The following CFTR variants were observed in gnomAD, a reference collection of about 807,000 sequenced individuals.
CFTR encodes the protein cystic fibrosis transmembrane conductance regulator.
Under a neutral mutation model 171.6 loss-of-function variants are expected in CFTR, and 181 were observed. That is an observed-to-expected ratio of 1.05 (90% CI 0.93 to 1.19). The LOEUF (loss-of-function observed/expected upper bound fraction) is 1.19, where lower values mean the gene tolerates loss of function less well. Among genes scored for constraint, CFTR ranks in the 50% most tolerant of loss-of-function variants. The pLI is 0.00. For synonymous variants in CFTR, 583 were observed against 608.0 expected (o/e 0.96, Z 0.60); for missense variants, 1,968 against 1,734.7 (o/e 1.13, Z -2.39).
chr7:117,483,217 C>T (rs1211364431), intron 1 of CFTR, among the ~76,000 whole-genome samples: 1 of 152,132 alleles, frequency 6.6e-6, no homozygotes, highest in African/African-American at 2.4e-5. Context: ...AAACCACACT[C>T]CTATTCTAAA....
intron 13 of CFTR, among the ~76,000 whole-genome samples, chr7:117,591,514 A>G (rs115986402): frequency 1.2e-3 from 184 of 152,238 alleles, no homozygotes; most frequent in African/African-American, 3.9e-3. Flanking sequence ...AAATGTAAAA[A>G]AGAAATTAAT....
intron 10 of CFTR, among the ~76,000 whole-genome samples, chr7:117,554,098 G>A (rs1799313646): frequency 6.6e-6 from 1 of 152,110 alleles, no homozygotes; most frequent in African/African-American, 2.4e-5. Flanking sequence ...GAGATTAGAG[G>A]CCACTGGAGA....
intron 18 of CFTR, among the ~76,000 whole-genome samples, chr7:117,607,875 G>T (rs760452458): frequency 7.2e-5 from 11 of 152,172 alleles, no homozygotes; most frequent in Non-Finnish European, 1.6e-4. Context: ...AGAAGCAGCT[G>T]ATGGAATATT....
chr7:117,640,640 G>T (rs984431413), intron 22 of CFTR, among the ~76,000 whole-genome samples: 1 of 152,074 alleles, frequency 6.6e-6, no homozygotes, highest in Admixed American at 6.6e-5. Context: ...TATTCAAGTT[G>T]CTTATACAAC....
intron 18 of CFTR, among the ~76,000 whole-genome samples, chr7:117,607,266 G>A (rs1489203072): frequency 6.6e-6 from 1 of 152,136 alleles, no homozygotes; most frequent in Admixed American, 6.5e-5. Context: ...ACAAAAGAGA[G>A]GGGAAAGAAA....
At chr7:117,580,258 A>T (rs1437286555) in intron 11 of CFTR, among the ~76,000 whole-genome samples, 1 of 152,142 alleles carries the variant, frequency 6.6e-6, no homozygotes, top group African/African-American at 2.4e-5. Context: ...TTCAATAAAA[A>T]TAGGCATTTC....
intron 1 of CFTR, among the ~76,000 whole-genome samples, chr7:117,492,447 T>A (rs555225493): frequency 1.3e-3 from 204 of 152,112 alleles, no homozygotes; most frequent in Non-Finnish European, 2.3e-3. Context: ...AAACATATCA[T>A]GTTTGTGTAA....
intron 18 of CFTR, 58 bp from the exon 19 acceptor site, chr7:117,610,461 T>C: frequency 1.4e-6 from 2 of 1,467,088 alleles, no homozygotes; most frequent in East Asian, 4.5e-5. Flanking sequence ...TGACACACTT[T>C]GTCCACTTTG....
At chr7:117,615,551 C>T (rs1019382494) in intron 21 of CFTR, among the ~76,000 whole-genome samples, 1 of 151,386 alleles carries the variant, frequency 6.6e-6, no homozygotes, top group African/African-American at 2.4e-5. Flanking sequence ...TTTATCATTG[C>T]CTTCTGTCTT....
At chr7:117,601,896 G>C (rs1792231872) in intron 15 of CFTR, among the ~76,000 whole-genome samples, 1 of 152,146 alleles carries the variant, frequency 6.6e-6, no homozygotes, top group South Asian at 2.1e-4. Context: ...TTTATATATG[G>C]TGCAGAACAT....
At chr7:117,658,663 T>C (rs1194658590) in intron 24 of CFTR, among the ~76,000 whole-genome samples, 1 of 152,136 alleles carries the variant, frequency 6.6e-6, no homozygotes, top group Admixed American at 6.6e-5. Context: ...TCCTCCAGTT[T>C]CCCAAGGCCA....
chr7:117,612,914 C>T (rs1792428839), intron 20 of CFTR, among the ~76,000 whole-genome samples: 1 of 152,108 alleles, frequency 6.6e-6, no homozygotes, highest in South Asian at 2.1e-4. Context: ...ATTCTGGCCT[C>T]CTGAATTTAC....
chr7:117,632,218 C>G (rs1792757812), intron 22 of CFTR, among the ~76,000 whole-genome samples: 1 of 152,078 alleles, frequency 6.6e-6, no homozygotes, highest in South Asian at 2.1e-4. Context: ...AGCACAACTT[C>G]CCGACCATGC....
rs1256452363 is a variant in CFTR, at chr7:117,536,631, G to T, written c.827G>T (p.Cys276Phe). Reference sequence around the variant, plus strand: ...AATATCCAATCTGTTAAGGCATACTGCTGGGAAGAAGCAATGGAAAAAATG... The same window carrying T: ...AATATCCAATCTGTTAAGGCATACTTCTGGGAAGAAGCAATGGAAAAAATG... ...IENIQSVKAY[C>F]WEEAMEKMIE... The change falls in exon 7 of 27, where the codon TGC becomes TTC. Residue 276 changes from cysteine to phenylalanine, a missense_variant. By Grantham distance (205) the Cys-to-Phe change is radical. Transcript: ENST00000003084. The T allele has an allele frequency of 1.2e-6, 2 of 1,611,816 alleles. No individual in the cohort carries two copies. The highest frequency in any genetic ancestry group is 1.7e-6 in the Non-Finnish European group (2 of 1,179,096).
intron 3 of CFTR, among the ~76,000 whole-genome samples, chr7:117,519,486 G>A (rs1798651736): frequency 6.6e-6 from 1 of 151,758 alleles, no homozygotes; most frequent in African/African-American, 2.4e-5. Context: ...AGGTGTATTT[G>A]CTTTCTTCCA....
chr7:117,591,494 G>A (rs760147049), intron 13 of CFTR, among the ~76,000 whole-genome samples: 7 of 151,742 alleles, frequency 4.6e-5, no homozygotes, highest in Non-Finnish European at 7.4e-5. Context: ...ATAAATTGAT[G>A]GTCAACCTAA....
intron 10 of CFTR, among the ~76,000 whole-genome samples, chr7:117,558,054 C>T (rs1185735787): frequency 6.6e-6 from 1 of 151,966 alleles, no homozygotes; most frequent in South Asian, 2.1e-4. Context: ...CAACTATCAC[C>T]TCCTTTTGAT....
chr7:117,502,297 G>A (rs745471125), intron 1 of CFTR, among the ~76,000 whole-genome samples: 3 of 152,204 alleles, frequency 2.0e-5, no homozygotes, highest in Non-Finnish European at 4.4e-5. Flanking sequence ...GTAAAGTTTA[G>A]CATCTCTAAG....
chr7:117,628,230 A>G (rs1792686655), intron 22 of CFTR, among the ~76,000 whole-genome samples: 1 of 152,098 alleles, frequency 6.6e-6, no homozygotes, highest in Admixed American at 6.6e-5. Flanking sequence ...TAATTCAGAC[A>G]TAGATTATTT....
Sources: gnomAD v4.1 joint callset for allele counts (sites outside exome capture counted in the v4.1 genomes callset) on GRCh38, gnomAD v4.1.1 for gene constraint, MANE v1.5 for transcripts, NCBI Gene and HGNC (gene_info 2026-07-23, HGNC 2026-07-21) for gene names.